Variants in DIP2C observed in about 807,000 individuals in gnomAD.
DIP2C encodes the protein disco-interacting protein 2 homolog C.
DIP2C carries 33 observed loss-of-function variants against 192.4 expected under a neutral mutation model. The ratio of observed to expected loss-of-function variants is 0.17; its 90% CI spans 0.13 to 0.23. The LOEUF is 0.23. Ranked by LOEUF, DIP2C falls within the 10% of genes least tolerant of loss-of-function variation. The pLI, the probability that DIP2C is intolerant of heterozygous loss-of-function variation, is 1.00. For missense variants in DIP2C, 1,537 were observed against 2,110.1 expected, an observed-to-expected ratio of 0.73 and a Z score of 5.32; for synonymous variants, 979 against 864.1, an observed-to-expected ratio of 1.13 and a Z score of -2.33.
intron 18 of DIP2C, 94 bp downstream of exon 18, chr10:369,400 G>A (rs986574114): frequency 7.0e-7 from 1 of 1,438,500 alleles, no homozygotes; most frequent in African/African-American, 1.4e-5. Context: ...CACACCACGG[G>A]AACGCGGGAA....
intron 3 of DIP2C, among the ~76,000 whole-genome samples, chr10:446,504 TA>T (rs1968232313): frequency 6.6e-6 from 1 of 152,256 alleles, no homozygotes; most frequent in African/African-American, 2.4e-5. Context: ...TAAAATTTTC[TA>T]AATAAGGCCC....
intron 1 of DIP2C, among the ~76,000 whole-genome samples, chr10:670,351 TAC>T (rs1400072358): frequency 6.7e-6 from 1 of 150,044 alleles, no homozygotes; most frequent in African/African-American, 2.5e-5. Context: ...TACATGCACA[TAC>T]ATACACATAC....
chr10:575,495 C>T (rs577277843), intron 1 of DIP2C, among the ~76,000 whole-genome samples: 1 of 152,212 alleles, frequency 6.6e-6, no homozygotes, highest in African/African-American at 2.4e-5. Flanking sequence ...AAAAGTCTCT[C>T]AACTTCGACA....
rs749739771 is a variant in DIP2C at position 399,100 on chromosome 10, A to G, written c.1260+9T>C. On this transcript the variant is annotated intron_variant, in intron 10 of 36. Coordinates refer to ENST00000280886, the MANE Select transcript of DIP2C (RefSeq NM_014974.3). ...CAGCGAGAAACCGAGCAAAGGGCGC[A>G]TTCCTTACCTTCCTGGTGAGCGGCA... The G allele has an allele frequency of 1.7e-5, 28 of 1,611,098 alleles. No individual in the cohort carries two copies. In the East Asian group the frequency reaches 5.6e-4, roughly 32 times the overall value.
intron 8 of DIP2C, among the ~76,000 whole-genome samples, chr10:410,545 AAC>A (rs1589728237): frequency 1.3e-5 from 2 of 152,228 alleles, no homozygotes; most frequent in Admixed American, 6.5e-5. Flanking sequence ...CCCCAACAAA[AAC>A]AATTATTTTG....
At chr10:364,336 C>T in intron 20 of DIP2C, 38 bp downstream of exon 20, 1 of 1,585,382 alleles carries the variant, frequency 6.3e-7, no homozygotes, top group Non-Finnish European at 8.6e-7. Flanking sequence ...ATATGGCCGA[C>T]CGGAAACCAT....
At chr10:311,373 C>G (rs958104368) in intron 31 of DIP2C, among the ~76,000 whole-genome samples, 7 of 152,352 alleles carry the variant, frequency 4.6e-5, no homozygotes, top group African/African-American at 1.7e-4. Context: ...ACGCGTGAGG[C>G]CTGAACGTGA....
At chr10:557,075 T>G (rs1484473078) in intron 1 of DIP2C, among the ~76,000 whole-genome samples, 1 of 152,246 alleles carries the variant, frequency 6.6e-6, no homozygotes, top group South Asian at 2.1e-4. Context: ...CTGGTCAGTG[T>G]GGCCCACGGG....
chr10:298,168 G>A (rs1955850848), intron 32 of DIP2C, among the ~76,000 whole-genome samples: 1 of 152,092 alleles, frequency 6.6e-6, no homozygotes, highest in Non-Finnish European at 1.5e-5. Context: ...CATGACAATT[G>A]GCCGTCACGT....
At chr10:469,626 A>C (rs970348616) in intron 3 of DIP2C, among the ~76,000 whole-genome samples, 6 of 152,078 alleles carry the variant, frequency 3.9e-5, no homozygotes, top group Non-Finnish European at 8.8e-5. Flanking sequence ...CCTGACAGAT[A>C]TCTCTTAAGT....
chr10:476,432 G>A (rs540817936), intron 2 of DIP2C, among the ~76,000 whole-genome samples: 1 of 152,344 alleles, frequency 6.6e-6, no homozygotes, highest in Admixed American at 6.5e-5. Flanking sequence ...CTGGACAGAA[G>A]CAGCAGTAGC....
At chr10:606,557 G>C (rs1852494318) in intron 1 of DIP2C, among the ~76,000 whole-genome samples, 1 of 145,816 alleles carries the variant, frequency 6.9e-6, no homozygotes, top group Non-Finnish European at 1.5e-5. Flanking sequence ...AATTCTCATT[G>C]GTTGGGAAGG....
At chr10:680,272 C>T (rs940686665) in intron 1 of DIP2C, among the ~76,000 whole-genome samples, 3 of 152,134 alleles carry the variant, frequency 2.0e-5, no homozygotes, top group Admixed American at 6.5e-5. Context: ...CTTTACCGTC[C>T]CAGCATGCTA....
intron 35 of DIP2C, 135 bp downstream of exon 35, chr10:283,137 T>A: frequency 1.6e-6 from 2 of 1,248,554 alleles, no homozygotes; most frequent in South Asian, 2.9e-5. Flanking sequence ...TCGGTTCTTT[T>A]CACACTGGGT....
intron 18 of DIP2C, among the ~76,000 whole-genome samples, chr10:366,671 A>G (rs566944249): frequency 9.6e-4 from 146 of 152,240 alleles, no homozygotes; most frequent in African/African-American, 3.3e-3. Context: ...AGTTGTATTT[A>G]GGGGCGTGAC....
intron 5 of DIP2C, 94 bp downstream of exon 5, chr10:422,730 C>T (rs986072242): frequency 1.3e-5 from 18 of 1,439,628 alleles, no homozygotes; most frequent in African/African-American, 2.8e-5. Context: ...CTCTTTCCAC[C>T]GAGGGATTCC....
At chr10:644,184 C>G (rs1354287305) in intron 1 of DIP2C, among the ~76,000 whole-genome samples, 1 of 152,246 alleles carries the variant, frequency 6.6e-6, no homozygotes, top group African/African-American at 2.4e-5. Context: ...AGGAGCCCCT[C>G]AGGAGAACAG....
At chr10:678,803 G>A (rs12777377) in intron 1 of DIP2C, among the ~76,000 whole-genome samples, 15 of 66,734 alleles carry the variant, frequency 2.2e-4, no homozygotes, top group South Asian at 1.2e-3. Context: ...TGCTCCCCAC[G>A]CCCATGCTCC....
intron 1 of DIP2C, among the ~76,000 whole-genome samples, chr10:540,346 C>T (rs1256117071): frequency 1.3e-5 from 2 of 152,256 alleles, no homozygotes; most frequent in South Asian, 2.1e-4. Flanking sequence ...CAAGTGCCCC[C>T]GTCACAGGGG....
Sources: allele counts gnomAD v4.1 joint callset (sites outside exome capture counted in the v4.1 genomes callset), GRCh38; gene constraint gnomAD v4.1.1; transcripts MANE v1.5; gene names NCBI Gene and HGNC (gene_info 2026-07-23, HGNC 2026-07-21).